GALNT13: variants seen among roughly 807,000 people sequenced by gnomAD.
The protein encoded by GALNT13 is UDP-GalNAc:polypeptide N-acetylgalactosaminyltransferase 13.
GALNT13 carries 28 observed loss-of-function variants against 64.2 expected under a neutral mutation model. The observed-to-expected ratio is 0.44, with a 90% CI of 0.32 to 0.60. GALNT13 has a LOEUF of 0.60. Ranked by LOEUF, GALNT13 falls within the 20% of genes least tolerant of loss-of-function variation. GALNT13 has a pLI of 0.05. For synonymous variants in GALNT13, 214 were observed against 224.6 expected, an observed-to-expected ratio of 0.95 and a Z score of 0.42; for missense variants, 577 against 669.8, an observed-to-expected ratio of 0.86 and a Z score of 1.53.
At chr2:153,979,022 A>G (rs1293239570) in intron 3 of GALNT13, among the ~76,000 whole-genome samples, 2 of 152,152 alleles carry the variant, frequency 1.3e-5, no homozygotes, top group Non-Finnish European at 2.9e-5. Flanking sequence ...TACTAGGATT[A>G]AATTATGTTA....
At chr2:153,221,296 A>G in the GALNT13 span, among the ~76,000 whole-genome samples, 1 of 152,178 alleles carries the variant, frequency 6.6e-6, no homozygotes, top group African/African-American at 2.4e-5. Flanking sequence ...ACATACATGC[A>G]TACGTACACA....
At chr2:153,366,660 A>T in the GALNT13 span, among the ~76,000 whole-genome samples, 1 of 151,376 alleles carries the variant, frequency 6.6e-6, no homozygotes, top group Non-Finnish European at 1.5e-5. Context: ...AATGACAAGT[A>T]CCAAACTACA....
the GALNT13 span, among the ~76,000 whole-genome samples, chr2:153,702,320 G>A: frequency 2.0e-5 from 3 of 152,040 alleles, no homozygotes; most frequent in Non-Finnish European, 4.4e-5. Context: ...CCAGGGAGGG[G>A]AACAACATAC....
the GALNT13 span, among the ~76,000 whole-genome samples, chr2:153,485,294 C>G: frequency 6.6e-6 from 1 of 152,052 alleles, no homozygotes; most frequent in Non-Finnish European, 1.5e-5. Context: ...CTGTATTCTT[C>G]TTGGATATAT....
chr2:153,128,170 A>G, the GALNT13 span, among the ~76,000 whole-genome samples: 2 of 152,126 alleles, frequency 1.3e-5, no homozygotes, highest in East Asian at 3.9e-4. Flanking sequence ...TTGAATTCCT[A>G]TTCAGGTAGT....
chr2:153,889,523 A>T (rs1687409178), intron 1 of GALNT13, among the ~76,000 whole-genome samples: 1 of 152,012 alleles, frequency 6.6e-6, no homozygotes, highest in African/African-American at 2.4e-5. Flanking sequence ...ATTACTTACC[A>T]TTGAAAAATT....
At chr2:154,030,722 T>C (rs1698280251) in intron 3 of GALNT13, among the ~76,000 whole-genome samples, 1 of 152,104 alleles carries the variant, frequency 6.6e-6, no homozygotes, top group South Asian at 2.1e-4. Context: ...TCATGACATC[T>C]GGCTTTTAAA....
chr2:153,794,775 T>A, the GALNT13 span, among the ~76,000 whole-genome samples: 1 of 152,184 alleles, frequency 6.6e-6, no homozygotes, highest in Admixed American at 6.5e-5. Context: ...CGCCTTGGCC[T>A]CCCAAAGTGC....
At chr2:154,340,243 C>T (rs79012872) in intron 9 of GALNT13, among the ~76,000 whole-genome samples, 2,646 of 152,034 alleles carry the variant, frequency 0.017, 76 homozygotes, top group African/African-American at 0.06. Context: ...TTTTCTCATC[C>T]TTCTTCATTT....
chr2:153,534,523 TTTC>T, the GALNT13 span, among the ~76,000 whole-genome samples: 22 of 146,514 alleles, frequency 1.5e-4, 1 homozygote, highest in Non-Finnish European at 2.8e-4. Context: ...TCTTTCTTTC[TTTC>T]TTTTTTTTTT....
chr2:153,274,283 CA>C, the GALNT13 span, among the ~76,000 whole-genome samples: 1 of 152,156 alleles, frequency 6.6e-6, no homozygotes, highest in East Asian at 1.9e-4. Context: ...GTGTTTATGT[CA>C]GTCTGTAAGG....
At chr2:154,293,473 T>C (rs1458176119) in intron 8 of GALNT13, among the ~76,000 whole-genome samples, 1 of 152,178 alleles carries the variant, frequency 6.6e-6, no homozygotes, top group Non-Finnish European at 1.5e-5. Flanking sequence ...ATTATGGCAA[T>C]AAAAGTTAAA....
At chr2:153,649,223 T>G in the GALNT13 span, among the ~76,000 whole-genome samples, 1 of 152,212 alleles carries the variant, frequency 6.6e-6, no homozygotes, top group African/African-American at 2.4e-5. Context: ...ATTTATCCAT[T>G]TCTTCTAGAT....
chr2:153,227,487 C>T, the GALNT13 span, among the ~76,000 whole-genome samples: 1 of 152,156 alleles, frequency 6.6e-6, no homozygotes, highest in African/African-American at 2.4e-5. Flanking sequence ...ATACAGCAAT[C>T]TCCTAGGCTG....
chr2:153,772,288 A>G, the GALNT13 span, among the ~76,000 whole-genome samples: 2 of 152,216 alleles, frequency 1.3e-5, no homozygotes, highest in Non-Finnish European at 2.9e-5. Flanking sequence ...AGTTCTGGGC[A>G]TCGGAAAATG....
chr2:153,908,424 G>C (rs1168226068), intron 2 of GALNT13, among the ~76,000 whole-genome samples: 1 of 152,060 alleles, frequency 6.6e-6, no homozygotes, highest in Non-Finnish European at 1.5e-5. Context: ...TTTTGCTTTT[G>C]TTGCAATTGC....
At chr2:153,998,612 A>C (rs1262517270) in intron 3 of GALNT13, among the ~76,000 whole-genome samples, 1 of 152,040 alleles carries the variant, frequency 6.6e-6, no homozygotes, top group Admixed American at 6.6e-5. Context: ...CACTCTGTTG[A>C]TAGTTTCTTT....
At chr2:154,313,314 C>G (rs1311285566) in intron 9 of GALNT13, among the ~76,000 whole-genome samples, 1 of 146,770 alleles carries the variant, frequency 6.8e-6, no homozygotes, top group African/African-American at 2.5e-5. Context: ...GGAAACTATC[C>G]AGATTTCATA....
intron 11 of GALNT13, among the ~76,000 whole-genome samples, chr2:154,416,025 G>C (rs188546617): frequency 4.4e-4 from 67 of 152,126 alleles, no homozygotes; most frequent in Middle Eastern, 3.4e-3. Context: ...AAGAAAGCAG[G>C]GTTACCACAA....
Sources: gnomAD v4.1 joint callset for allele counts (sites outside exome capture counted in the v4.1 genomes callset) on GRCh38, gnomAD v4.1.1 for gene constraint, MANE v1.5 for transcripts, NCBI Gene and HGNC (gene_info 2026-07-23, HGNC 2026-07-21) for gene names.